Variants in ARSB observed in about 807,000 individuals in gnomAD.
ARSB encodes the protein arylsulfatase B.
ARSB carries 41 observed loss-of-function variants against 50.9 expected under a neutral mutation model. That is an observed-to-expected ratio of 0.81 (90% confidence interval 0.63 to 1.04). The LOEUF (loss-of-function observed/expected upper bound fraction) is 1.04. Ranked by LOEUF, ARSB falls within the 50% of genes least tolerant of loss-of-function variation. The pLI is 0.00. For missense variants in ARSB, 672 were observed against 693.3 expected (o/e 0.97, Z 0.35); for synonymous variants, 269 against 284.8 (o/e 0.94, Z 0.56).
Position 78,779,029 on chromosome 5 carries a change from A to C in ARSB, c.*1368T>G, listed in dbSNP as rs916804604. 1 of 152,186 alleles carries C rather than the reference A, an allele frequency of 6.6e-6. No homozygotes were observed. Among genetic ancestry groups the C allele is most frequent in the African/African-American group, 2.4e-5 (1 of 41,448 alleles). 9.4% of individuals were successfully genotyped at this position (152,186 alleles called of 1,614,324 possible). A position where few individuals can be genotyped will look rare whatever the true frequency, so the allele number is the denominator to read the frequency against. ...GAGATCGTCTCATAAAGATATAAAA[A>C]ATTAAAAATAAAATAAAAATTAAAA... On this transcript the variant is annotated 3_prime_UTR_variant, in exon 8 of 8. Coordinates refer to ENST00000264914, the MANE Select transcript of ARSB (RefSeq NM_000046.5).
chr5:78,955,171 A>T, intron 4 of ARSB, 124 bp downstream of exon 4: 1 of 899,242 alleles, frequency 1.1e-6, no homozygotes, highest in Non-Finnish European at 1.8e-6. Flanking sequence ...CCATGTCTCC[A>T]CTATTGCAGT....
At chr5:78,881,225 C>G (rs2112193275) in intron 5 of ARSB, among the ~76,000 whole-genome samples, 1 of 151,932 alleles carries the variant, frequency 6.6e-6, no homozygotes, top group African/African-American at 2.4e-5. Context: ...GAGCAAGACT[C>G]TGTCTTAAAA....
intron 5 of ARSB, among the ~76,000 whole-genome samples, chr5:78,852,491 T>A (rs1213842279): frequency 6.6e-6 from 1 of 152,180 alleles, no homozygotes; most frequent in Non-Finnish European, 1.5e-5. Context: ...CCCTTAACAT[T>A]TTTTCCTTCA....
chr5:78,903,787 T>C (rs1398945339), intron 4 of ARSB, among the ~76,000 whole-genome samples: 2 of 152,244 alleles, frequency 1.3e-5, no homozygotes, highest in East Asian at 1.9e-4. Context: ...GAATCTTTTC[T>C]ATACTTCACA....
intron 4 of ARSB, among the ~76,000 whole-genome samples, chr5:78,927,749 T>G (rs147088666): frequency 3.1e-4 from 47 of 152,280 alleles, no homozygotes; most frequent in Non-Finnish European, 5.6e-4. Flanking sequence ...CCAGAGGAGT[T>G]TGCCTCTGCC....
chr5:78,978,035 G>T (rs1752739654), intron 1 of ARSB, among the ~76,000 whole-genome samples: 1 of 152,136 alleles, frequency 6.6e-6, no homozygotes, highest in African/African-American at 2.4e-5. Flanking sequence ...ATTGTTGAAA[G>T]AAATTAAAGA....
In ARSB at chr5:78,854,269, T is replaced by C. The variant is rs776975801; in HGVS notation, c.1143-14843A>G. Among the ~76,000 whole-genome samples, 11 of 152,370 alleles carry C rather than the reference T, an allele frequency of 7.2e-5. No individual in the cohort carries two copies. The Middle Eastern group carries it at 0.017, about 236-fold the overall frequency. ...ATTATTTCTTTCCTTCTACTAATTT[T>C]GGATTTGGCTTGTTCTTGCTTTTCT... On this transcript the variant is annotated intron_variant, in intron 5 of 7. Transcript: ENST00000264914.
chr5:78,792,362 G>T (rs1352753056), intron 6 of ARSB, among the ~76,000 whole-genome samples: 1 of 149,234 alleles, frequency 6.7e-6, no homozygotes, highest in Non-Finnish European at 1.5e-5. Context: ...CTGGACGACA[G>T]AGTGAGAATC....
intron 5 of ARSB, among the ~76,000 whole-genome samples, chr5:78,876,076 A>T (rs551246123): frequency 5.9e-5 from 9 of 152,304 alleles, no homozygotes; most frequent in African/African-American, 2.2e-4. Context: ...TTAAAATATT[A>T]ATCAACTAAT....
chr5:78,900,010 C>G (rs999793589), intron 4 of ARSB, among the ~76,000 whole-genome samples: 2 of 152,122 alleles, frequency 1.3e-5, no homozygotes, highest in Non-Finnish European at 2.9e-5. Context: ...CTTTTCGGCT[C>G]TAGGTGGCGC....
chr5:78,842,252 C>T (rs999054356), intron 5 of ARSB, among the ~76,000 whole-genome samples: 8 of 151,912 alleles, frequency 5.3e-5, no homozygotes, highest in Non-Finnish European at 1.2e-4. Flanking sequence ...GGGACAGAAA[C>T]GGAGCTTGTC....
chr5:78,885,938 AG>A, intron 4 of ARSB, 111 bp from the exon 5 acceptor site: 1 of 1,552,440 alleles, frequency 6.4e-7, no homozygotes, highest in Non-Finnish European at 8.8e-7. Context: ...ATAAAAAAAA[AG>A]AAAATTCCTT....
intron 4 of ARSB, among the ~76,000 whole-genome samples, chr5:78,931,773 G>A (rs187182035): frequency 4.6e-5 from 7 of 152,084 alleles, no homozygotes; most frequent in African/African-American, 1.2e-4. Context: ...ATCTCATCTC[G>A]AATTGTAATC....
chr5:78,952,619 C>T (rs1455308640), intron 4 of ARSB, among the ~76,000 whole-genome samples: 1 of 152,154 alleles, frequency 6.6e-6, no homozygotes, highest in East Asian at 1.9e-4. Context: ...TCACAAGCGT[C>T]AGCCACCAGA....
At chr5:78,940,001 G>A (rs1580094724) in intron 4 of ARSB, among the ~76,000 whole-genome samples, 1 of 152,220 alleles carries the variant, frequency 6.6e-6, no homozygotes. Flanking sequence ...GTATCTCATT[G>A]TGATTTTGTT....
At chr5:78,932,433 G>C (rs1750371003) in intron 4 of ARSB, among the ~76,000 whole-genome samples, 1 of 152,202 alleles carries the variant, frequency 6.6e-6, no homozygotes, top group Non-Finnish European at 1.5e-5. Flanking sequence ...CTGGGTCTCT[G>C]TTTTTAAAAT....
chr5:78,843,911 T>C (rs780379429), intron 5 of ARSB, among the ~76,000 whole-genome samples: 16 of 152,238 alleles, frequency 1.1e-4, no homozygotes, highest in Non-Finnish European at 2.4e-4. Context: ...GGCTAAATAA[T>C]ATCCCATTGC....
At chr5:78,885,997 T>C (rs775004227) in intron 4 of ARSB, among the ~76,000 whole-genome samples, 170 bp from the exon 5 acceptor site, 12 of 152,236 alleles carry the variant, frequency 7.9e-5, no homozygotes, top group Non-Finnish European at 1.5e-4. Flanking sequence ...TAGCCTTTCA[T>C]TATTCAGACA....
chr5:78,922,366 C>T (rs1256810525), intron 4 of ARSB, among the ~76,000 whole-genome samples: 3 of 151,390 alleles, frequency 2.0e-5, no homozygotes, highest in Admixed American at 6.6e-5. Flanking sequence ...TCAGCCACAG[C>T]AGGATAGGGC....
Sources: gnomAD v4.1 joint callset for allele counts (sites outside exome capture counted in the v4.1 genomes callset) on GRCh38, gnomAD v4.1.1 for gene constraint, MANE v1.5 for transcripts, NCBI Gene and HGNC (gene_info 2026-07-23, HGNC 2026-07-21) for gene names.